The following BICRA variants were observed in gnomAD, a reference collection of about 807,000 sequenced individuals.
BICRA encodes the protein BRD4-interacting chromatin-remodeling complex-associated protein.
In BICRA, 31 loss-of-function variants were observed where a neutral mutation model predicts 96.9. That is an observed-to-expected ratio of 0.32 (90% CI 0.24 to 0.43). BICRA has a LOEUF of 0.43. BICRA is among the 20% of genes least tolerant of loss of function. The probability of loss-of-function intolerance (pLI) is 1.00; values close to 1 mark genes in which losing one functional copy is unlikely to be tolerated. For synonymous variants in BICRA, 1,350 were observed against 1,071.8 expected (o/e 1.26, Z -5.07); for missense variants, 2,283 against 2,190.3 (o/e 1.04, Z -0.84).
rs1282478537 is a variant in BICRA, at chr19:47,694,132, G to A, written c.2301G>A (p.Pro767=). 17 of 1,161,490 alleles carry A rather than the reference G, an allele frequency of 1.5e-5. No homozygotes were observed. The highest frequency in any genetic ancestry group is 8.8e-5 in the South Asian group (6 of 68,238). 71.9% of individuals were successfully genotyped at this position (1,161,490 alleles called of 1,614,324 possible). A position where few individuals can be genotyped will look rare whatever the true frequency, so the allele number is the denominator to read the frequency against. The part of the protein sequence containing the change: ...APAPQIPAAA[P]LKGPGPSSSP... ...CTGCCCAGATCCCGGCAGCGGCTCC[G>A]CTGAAGGGCCCAGGCCCCTCTTCGT... The change falls in exon 8 of 15, where the codon CCG becomes CCA. Residue 767 remains proline (P), a synonymous_variant. Coordinates refer to ENST00000594866, the MANE Select transcript of BICRA (RefSeq NM_001394372.1).
intron 1 of BICRA, among the ~76,000 whole-genome samples, chr19:47,660,763 G>A (rs1256147368): frequency 6.6e-6 from 1 of 152,182 alleles, no homozygotes; most frequent in Non-Finnish European, 1.5e-5. Flanking sequence ...TAGTTCCCAC[G>A]GGCTTAGGAG....
intron 1 of BICRA, among the ~76,000 whole-genome samples, chr19:47,610,590 C>T (rs1971888540): frequency 8.2e-6 from 1 of 121,760 alleles, no homozygotes; most frequent in Admixed American, 8.8e-5. Flanking sequence ...CATGTCCTGA[C>T]CATCGTCCCC....
Position 47,681,112 on chromosome 19 carries a change from C to T in BICRA, c.1942C>T (p.Pro648Ser). 6.8e-7 allele frequency: 1 copy of T among 1,478,482 alleles called. No individual in the cohort carries two copies. Among genetic ancestry groups the T allele is most frequent in the Non-Finnish European group, 9.0e-7 (1 of 1,108,228 alleles). The allele number at this position is 1,478,482 out of a possible 1,614,324, so 91.6% of individuals were successfully genotyped here. A position where few individuals can be genotyped will look rare whatever the true frequency, so the allele number is the denominator to read the frequency against. The change falls in exon 6 of 15, where the codon CCG becomes TCG. Residue 648 changes from proline (P) to serine (S), a missense_variant. Physicochemically the swap from Pro to Ser is moderately conservative, Grantham distance 74 (BLOSUM62 -1). Transcript: ENST00000594866. The part of the protein sequence containing the change: ...GLQQPQAQQP[P>S]QAPTPQAAAP... Reference sequence around the variant, plus strand: ...CCAGCAGCCGCAGGCGCAGCAGCCCCCGCAGGCCCCCACCCCACAGGCCGC... The same window carrying T: ...CCAGCAGCCGCAGGCGCAGCAGCCCTCGCAGGCCCCCACCCCACAGGCCGC...
chr19:47,696,458 G>A lies in BICRA; in HGVS notation c.3194G>A (p.Ser1065Asn), dbSNP rs1361615029. Residue 1065 changes from serine to asparagine, a missense_variant, in exon 11 of 15, where the codon AGC (serine) becomes AAC (asparagine). Coordinates refer to ENST00000594866, the MANE Select transcript of BICRA (RefSeq NM_001394372.1). ...TCGCCTTTCTTCTCCCAGTATGAGA[G>A]CAAACTGAGTGGCCTGAAGAAGCCC... is the stretch of plus-strand genomic sequence containing the variant. ...PGKPSGLQYE[S>N]KLSGLKKPPT... 2.5e-6 allele frequency: 4 copies of A among 1,599,850 alleles called. No homozygotes were observed. In the African/African-American group the frequency reaches 5.4e-5, roughly 21 times the overall value.
chr19:47,651,774 T>C (rs1050244492), intron 1 of BICRA, among the ~76,000 whole-genome samples: 1 of 152,162 alleles, frequency 6.6e-6, no homozygotes, highest in Admixed American at 6.5e-5. Context: ...ACGAGAGGGT[T>C]GGGCAGACAA....
intron 1 of BICRA, among the ~76,000 whole-genome samples, chr19:47,647,825 G>A (rs1972483164): frequency 6.6e-6 from 1 of 151,994 alleles, no homozygotes; most frequent in South Asian, 2.1e-4. Flanking sequence ...ACACTGCACG[G>A]GGATCCTGTC....
intron 1 of BICRA, among the ~76,000 whole-genome samples, chr19:47,637,120 T>TTTTA (rs1206297050): frequency 6.6e-6 from 1 of 151,986 alleles, no homozygotes; most frequent in East Asian, 1.9e-4. Context: ...TTTTATTTTA[T>TTTTA]TTTATTTATT....
At chr19:47,619,343 C>T (rs1972031423) in intron 1 of BICRA, among the ~76,000 whole-genome samples, 4 of 151,626 alleles carry the variant, frequency 2.6e-5, no homozygotes, top group South Asian at 2.1e-4. Flanking sequence ...TTGCAACCTC[C>T]GCCTCCCGGG....
At chr19:47,685,569 C>T (rs951639407) in intron 7 of BICRA, among the ~76,000 whole-genome samples, 5 of 152,064 alleles carry the variant, frequency 3.3e-5, no homozygotes, top group Admixed American at 6.6e-5. Context: ...ACAGAATCAT[C>T]CAGACTGGGA....
At chr19:47,683,020 G>A (rs928357173) in intron 7 of BICRA, among the ~76,000 whole-genome samples, 3 of 152,172 alleles carry the variant, frequency 2.0e-5, no homozygotes, top group African/African-American at 7.2e-5. Flanking sequence ...CTGTGTGGGT[G>A]TGCGGATATT....
At chr19:47,669,951 C>T (rs557385101) in intron 1 of BICRA, among the ~76,000 whole-genome samples, 4 of 138,182 alleles carry the variant, frequency 2.9e-5, no homozygotes, top group South Asian at 4.7e-4. Flanking sequence ...CCACCGCGCC[C>T]GGACAGATTT....
rs559150483 is a variant in BICRA, at chr19:47,654,916, C to T, written c.-107-15527C>T. Among the ~76,000 whole-genome samples the T allele has an allele frequency of 4.6e-5, 7 of 152,174 alleles. No homozygotes were observed. In the East Asian group the frequency reaches 5.8e-4, roughly 13 times the overall value. On this transcript the variant is annotated intron_variant, in intron 1 of 14. Coordinates refer to ENST00000594866, the MANE Select transcript of BICRA (RefSeq NM_001394372.1). ...GAAGTAGCCAGGCAGAGGGTGAATG[C>T]GTCTTGATCTTAGTGGGTATTGTCA...
In BICRA at chr19:47,702,329, G is replaced by A. The variant is rs374985677; in HGVS notation, c.4597G>A (p.Ala1533Thr). ...CCACGCTGCCTCGGCCGGCACCCCC[G>A]CATCCCCGCCGCCCCTGCACAGGCC... is the stretch of plus-strand genomic sequence containing the variant. ...YPHAASAGTP[A>T]SPPPLHRPEA... is the part of the protein sequence containing the mutation. Residue 1533 changes from alanine (A) to threonine (T), a missense_variant, in exon 15 of 15, where the codon GCA becomes ACA. Ala to Thr is a moderately conservative substitution (Grantham distance 58). Coordinates refer to ENST00000594866, the MANE Select transcript of BICRA (RefSeq NM_001394372.1). The A allele has an allele frequency of 1.7e-5, 27 of 1,545,338 alleles. No homozygotes were observed. Among genetic ancestry groups the A allele is most frequent in the Non-Finnish European group, 2.3e-5 (27 of 1,153,676 alleles).
At chr19:47,689,539 G>A (rs1355418429) in intron 7 of BICRA, among the ~76,000 whole-genome samples, 1 of 152,082 alleles carries the variant, frequency 6.6e-6, no homozygotes, top group African/African-American at 2.4e-5. Context: ...AGCCTCCGGA[G>A]TAGCTGGGAT....
intron 1 of BICRA, among the ~76,000 whole-genome samples, chr19:47,611,072 C>T (rs1190283221): frequency 6.6e-6 from 1 of 152,100 alleles, no homozygotes; most frequent in Non-Finnish European, 1.5e-5. Flanking sequence ...TTCATGGAGG[C>T]TCAGAGAGGT....
intron 1 of BICRA, among the ~76,000 whole-genome samples, chr19:47,645,660 C>T (rs140195951): frequency 3.2e-4 from 49 of 152,318 alleles, no homozygotes; most frequent in Non-Finnish European, 6.3e-4. Flanking sequence ...ACAAAAGTAG[C>T]TTGTAATCCT....
chr19:47,629,886 G>A (rs1319987948), intron 1 of BICRA, among the ~76,000 whole-genome samples: 3 of 152,160 alleles, frequency 2.0e-5, no homozygotes, highest in African/African-American at 7.2e-5. Context: ...TCTAACTCCT[G>A]ACCTCAGGTG....
intron 7 of BICRA, among the ~76,000 whole-genome samples, chr19:47,683,126 C>T (rs191857456): frequency 3.9e-5 from 6 of 152,266 alleles, no homozygotes; most frequent in Admixed American, 2.6e-4. Flanking sequence ...GTATGTATGT[C>T]GTTTTGTAGG....
intron 1 of BICRA, among the ~76,000 whole-genome samples, chr19:47,660,047 C>G (rs925383531): frequency 4.7e-4 from 72 of 152,304 alleles, no homozygotes; most frequent in African/African-American, 1.4e-3. Flanking sequence ...CCCATTGTCG[C>G]TGTAACAAAT....
Sources: gnomAD v4.1 joint callset for allele counts (sites outside exome capture counted in the v4.1 genomes callset) on GRCh38, gnomAD v4.1.1 for gene constraint, MANE v1.5 for transcripts, NCBI Gene and HGNC (gene_info 2026-07-23, HGNC 2026-07-21) for gene names.